The following RGL1 variants were observed in gnomAD, a reference collection of about 807,000 sequenced individuals.
RGL1 encodes the protein ral guanine nucleotide dissociation stimulator like 1.
A neutral mutation model predicts 95.2 loss-of-function variants in RGL1; 24 were observed. The observed-to-expected ratio is 0.25, with a 90% confidence interval of 0.18 to 0.35. The LOEUF is 0.35. Ranked by LOEUF, RGL1 falls within the 10% of genes least tolerant of loss-of-function variation. The pLI, the probability that RGL1 is intolerant of heterozygous loss-of-function variation, is 1.00. For synonymous variants in RGL1, 329 were observed against 344.9 expected, an observed-to-expected ratio of 0.95 and a Z score of 0.51; for missense variants, 715 against 936.3, an observed-to-expected ratio of 0.76 and a Z score of 3.08.
chr1:183,906,862 C>G (rs545237932), intron 13 of RGL1, 150 bp from the exon 14 acceptor site: 1 of 627,296 alleles, frequency 1.6e-6, no homozygotes, highest in African/African-American at 1.8e-5. Context: ...GTCAGTACCC[C>G]CTGACGTTTA....
chr1:183,645,484 A>C (rs1028002192), intron 1 of RGL1, among the ~76,000 whole-genome samples: 3 of 152,132 alleles, frequency 2.0e-5, no homozygotes, highest in Admixed American at 6.5e-5. Context: ...ACCTTAATTT[A>C]CTTCTATTTT....
At chr1:183,780,423 G>T (rs1305806287) in intron 2 of RGL1, among the ~76,000 whole-genome samples, 2 of 152,152 alleles carry the variant, frequency 1.3e-5, no homozygotes, top group East Asian at 3.9e-4. Flanking sequence ...GAAGTAACCT[G>T]CCCTGGGCAG....
rs1350979784 is a variant in RGL1, at chr1:183,883,913, A to G, written c.735+3A>G. ...AGCAGCTGACCTACATGGATGCAGT[A>G]TGTCTTCTCTTTGTGATCAGATGTA... On this transcript the variant is annotated splice_donor_region_variant and intron_variant, in intron 6 of 17. Coordinates refer to ENST00000360851, the MANE Select transcript of RGL1 (RefSeq NM_001297671.3). 6 of 1,613,746 alleles carry G rather than the reference A, an allele frequency of 3.7e-6. No homozygotes were observed. The highest frequency in any genetic ancestry group is 4.2e-6 in the Non-Finnish European group (5 of 1,179,688).
intron 2 of RGL1, among the ~76,000 whole-genome samples, chr1:183,845,813 C>G (rs1664384952): frequency 6.6e-6 from 1 of 152,212 alleles, no homozygotes; most frequent in Non-Finnish European, 1.5e-5. Context: ...ATGATTTCAA[C>G]TGGCTCACAC....
At chr1:183,669,891 TCA>T (rs1652324528) in intron 1 of RGL1, among the ~76,000 whole-genome samples, 1 of 152,096 alleles carries the variant, frequency 6.6e-6, no homozygotes, top group Admixed American at 6.5e-5. Flanking sequence ...TCATCAGATC[TCA>T]TGAGAACTCA....
intron 2 of RGL1, among the ~76,000 whole-genome samples, chr1:183,794,937 C>A (rs763356136): frequency 6.6e-6 from 1 of 152,154 alleles, no homozygotes; most frequent in Non-Finnish European, 1.5e-5. Context: ...TAGTCATTTT[C>A]TTTATGCCTT....
At chr1:183,884,984 AGACTGCTCCAT>A in intron 7 of RGL1, 46 bp downstream of exon 7, 3 of 1,505,168 alleles carry the variant, frequency 2.0e-6, no homozygotes, top group Non-Finnish European at 9.2e-7. Context: ...TAGATGCAAG[AGACTGCTCCAT>A]CACTTCGTTT....
intron 2 of RGL1, among the ~76,000 whole-genome samples, chr1:183,811,611 G>A (rs1361200340): frequency 6.6e-6 from 1 of 152,204 alleles, no homozygotes; most frequent in Non-Finnish European, 1.5e-5. Flanking sequence ...TGATAGGGTA[G>A]CCTCTACCAA....
chr1:183,735,579 T>C (rs983209857), intron 1 of RGL1, among the ~76,000 whole-genome samples: 3 of 152,176 alleles, frequency 2.0e-5, no homozygotes, highest in Non-Finnish European at 4.4e-5. Flanking sequence ...AGTTGCCTTA[T>C]ATAGATAGAC....
At chr1:183,794,895 T>C (rs539476191) in intron 2 of RGL1, among the ~76,000 whole-genome samples, 68 of 152,376 alleles carry the variant, frequency 4.5e-4, no homozygotes, top group African/African-American at 1.6e-3. Flanking sequence ...TCTTTATCTG[T>C]ACTTGCTGAT....
intron 2 of RGL1, among the ~76,000 whole-genome samples, chr1:183,807,934 T>C (rs1017968512): frequency 1.3e-5 from 2 of 152,244 alleles, no homozygotes; most frequent in Non-Finnish European, 2.9e-5. Flanking sequence ...GTATTTTATT[T>C]AAATGTGGCG....
intron 1 of RGL1, among the ~76,000 whole-genome samples, chr1:183,805,966 CTTTTCTTTTTTTTTTTTTTTTTTTTTTTT>C (rs1661280150): frequency 3.5e-5 from 1 of 28,402 alleles, no homozygotes; most frequent in African/African-American, 1.1e-4. Flanking sequence ...TTTTTCTTTT[CTTTTCTTTTTTTTTTTTTTTTTTTTTTTT>C]TTTTTTTTTT....
At chr1:183,643,571 G>T (rs994892450) in intron 1 of RGL1, among the ~76,000 whole-genome samples, 2 of 151,884 alleles carry the variant, frequency 1.3e-5, no homozygotes, top group African/African-American at 4.8e-5. Flanking sequence ...GATTACAGGC[G>T]TGAGCCACCG....
intron 17 of RGL1, among the ~76,000 whole-genome samples, 195 bp from the exon 18 acceptor site, chr1:183,925,910 T>C (rs953332849): frequency 6.6e-6 from 1 of 152,176 alleles, no homozygotes; most frequent in Non-Finnish European, 1.5e-5. Context: ...TTTGTACTAA[T>C]TTTTTAAATT....
At chr1:183,782,287 C>G (rs1261086445) in intron 2 of RGL1, among the ~76,000 whole-genome samples, 1 of 152,176 alleles carries the variant, frequency 6.6e-6, no homozygotes, top group African/African-American at 2.4e-5. Flanking sequence ...TTATTGCCAA[C>G]TCTGCTGCCT....
At chr1:183,838,398 T>A (rs1380675624) in intron 2 of RGL1, among the ~76,000 whole-genome samples, 3 of 152,188 alleles carry the variant, frequency 2.0e-5, no homozygotes, top group Non-Finnish European at 2.9e-5. Context: ...GGATGGGATT[T>A]CTGTGTGATA....
intron 1 of RGL1, among the ~76,000 whole-genome samples, chr1:183,692,502 G>A (rs1654006230): frequency 6.6e-6 from 1 of 152,226 alleles, no homozygotes; most frequent in South Asian, 2.1e-4. Context: ...TTGTAAACAG[G>A]ATTGAGTTTT....
At chr1:183,842,661 C>T (rs942389671) in intron 2 of RGL1, among the ~76,000 whole-genome samples, 7 of 152,120 alleles carry the variant, frequency 4.6e-5, no homozygotes, top group East Asian at 1.9e-4. Flanking sequence ...GTCAGTAAAG[C>T]GACGGTCTAT....
intron 1 of RGL1, among the ~76,000 whole-genome samples, chr1:183,684,071 C>CT (rs1286806621): frequency 6.6e-6 from 1 of 152,070 alleles, no homozygotes; most frequent in African/African-American, 2.4e-5. Context: ...TTCCTCTAAC[C>CT]TTTTTTCAAG....
Sources: gnomAD v4.1 joint callset for allele counts (sites outside exome capture counted in the v4.1 genomes callset) on GRCh38, gnomAD v4.1.1 for gene constraint, MANE v1.5 for transcripts, NCBI Gene and HGNC (gene_info 2026-07-23, HGNC 2026-07-21) for gene names.